TACC2: variants seen among roughly 807,000 people sequenced by gnomAD.
The protein encoded by TACC2 is transforming acidic coiled-coil-containing protein 2.
Under a neutral mutation model 227.3 loss-of-function variants are expected in TACC2, and 137 were observed. The ratio of observed to expected loss-of-function variants is 0.60; its 90% CI spans 0.52 to 0.69. The LOEUF (loss-of-function observed/expected upper bound fraction) is 0.69. Among genes scored for constraint, TACC2 ranks in the 30% least tolerant of loss-of-function variants. TACC2 has a pLI of 0.00. For missense variants in TACC2, 3,470 were observed against 3,694.4 expected, an observed-to-expected ratio of 0.94 and a Z score of 1.57; for synonymous variants, 1,523 against 1,487.5, an observed-to-expected ratio of 1.02 and a Z score of -0.55.
chr10:122,121,902 T>C (rs1239513879), intron 5 of TACC2, among the ~76,000 whole-genome samples: 1 of 152,118 alleles, frequency 6.6e-6, no homozygotes, highest in African/African-American at 2.4e-5. Context: ...GCCGCTGAAC[T>C]CTGGACAGGA....
At position 122,050,521 on chromosome 10, in the gene TACC2, C is replaced by T. The variant is rs577387065; in HGVS notation, c.117C>T (p.Pro39=). ...QNIKRKQQDT[P]GSPDHRDASS... is the part of the protein sequence containing the mutation. ...TAAAAAGGAAGCAGCAGGACACGCC[C>T]GGAAGCCCTGACCACAGAGACGCGT... Residue 39 remains proline (P), a synonymous_variant, in exon 3 of 23, where the codon CCC becomes CCT. Coordinates refer to ENST00000369005, the MANE Select transcript of TACC2 (RefSeq NM_206862.4). This position sits in a 1 kb window ranked among gnomAD's most constrained non-coding sequence, Gnocchi z 4.6. 3.5e-5 allele frequency: 57 copies of T among 1,614,052 alleles called. No individual in the cohort carries two copies. In the South Asian group the frequency reaches 4.2e-4, roughly 12 times the overall value.
At chr10:122,155,746 G>A (rs1049792991) in intron 7 of TACC2, among the ~76,000 whole-genome samples, 2 of 151,932 alleles carry the variant, frequency 1.3e-5, no homozygotes, top group Non-Finnish European at 2.9e-5. Context: ...GGACATCTGG[G>A]TTATCCGAAG....
rs766506682 is a variant in TACC2, at chr10:122,085,057, GA to G, written c.2561del (p.Asn854MetfsTer74). On this transcript the variant is annotated frameshift_variant, in exon 4 of 23. Transcript: ENST00000369005. LOFTEE classifies it high-confidence loss of function. ...GCTCAAGGAGCAGGCCCAGCCACCT[GA>G]AAATGGGAAAGAGACTTCTCCAAGC... is the stretch of plus-strand genomic sequence containing the variant. ...DVLKEQAQPP[E>X]NGKETSPSHP... is the part of the protein sequence containing the mutation. The G allele has an allele frequency of 5.0e-6, 8 of 1,614,212 alleles. No individual in the cohort carries two copies. Among genetic ancestry groups the G allele is most frequent in the Non-Finnish European group, 5.1e-6 (6 of 1,180,042 alleles).
At chr10:122,068,399 G>A (rs2077621866) in intron 3 of TACC2, among the ~76,000 whole-genome samples, 1 of 152,098 alleles carries the variant, frequency 6.6e-6, no homozygotes, top group Non-Finnish European at 1.5e-5. Context: ...AGCTTTTTGG[G>A]TTCTGGATAT....
chr10:121,995,875 TC>T (rs1432181453), intron 1 of TACC2, among the ~76,000 whole-genome samples: 1 of 152,104 alleles, frequency 6.6e-6, no homozygotes. Flanking sequence ...TGCCTCAGTC[TC>T]CTGAGTAGCT....
chr10:122,025,600 G>A (rs1322154707), intron 2 of TACC2, among the ~76,000 whole-genome samples: 3 of 139,508 alleles, frequency 2.2e-5, no homozygotes, highest in Non-Finnish European at 4.6e-5. Context: ...TTGAGATGGA[G>A]TCTTGCTCTG....
At chr10:122,107,249 T>C (rs1332722126) in intron 5 of TACC2, among the ~76,000 whole-genome samples, 1 of 152,176 alleles carries the variant, frequency 6.6e-6, no homozygotes, top group Non-Finnish European at 1.5e-5. Flanking sequence ...CAGAATTATC[T>C]ACAGGCTGGG....
In TACC2 at chr10:122,028,084, C is replaced by CTTTTTTTTTTT; in HGVS notation, c.33+6081_33+6091dup. Among the ~76,000 whole-genome samples the CTTTTTTTTTTT allele has an allele frequency of 2.1e-3, 189 of 91,724 alleles. 1 individual carries two copies. Among genetic ancestry groups the CTTTTTTTTTTT allele is most frequent in the African/African-American group, 3.7e-3 (78 of 20,838 alleles). The allele number at this position is 91,724 out of a possible 152,430, so 60.2% of individuals were successfully genotyped here. ...TTTTTTCTTTTTTCTTTCTTTCTTT[C>CTTTTTTTTTTT]TTTTTTTTTTTTTTTTTTTTTGAGA... On this transcript the variant is annotated intron_variant, in intron 2 of 22. Transcript: ENST00000369005.
At chr10:122,193,040 C>T (rs1416566359) in intron 7 of TACC2, among the ~76,000 whole-genome samples, 2 of 152,196 alleles carry the variant, frequency 1.3e-5, no homozygotes, top group Non-Finnish European at 2.9e-5. Flanking sequence ...TCCTTCTCCC[C>T]ATAGACAAAA....
chr10:122,211,748 G>T (rs554049919), intron 9 of TACC2, 40 bp downstream of exon 9: 4 of 1,498,914 alleles, frequency 2.7e-6, no homozygotes, highest in African/African-American at 2.8e-5. Context: ...CAGAGGCGGG[G>T]GTGCGCATTG....
chr10:122,192,555 A>C (rs886309745), intron 7 of TACC2: 1 of 393,784 alleles, frequency 2.5e-6, no homozygotes, highest in Non-Finnish European at 5.2e-6. Flanking sequence ...AGAAGCTCAC[A>C]GCATCTGTGG....
intron 3 of TACC2, among the ~76,000 whole-genome samples, chr10:122,081,290 C>T (rs181821249): frequency 8.7e-5 from 13 of 150,142 alleles, no homozygotes; most frequent in Middle Eastern, 3.4e-3. Flanking sequence ...GAGGCTGAGG[C>T]GGGCAGATCA....
chr10:122,104,339 CT>C (rs2137729955), intron 5 of TACC2, among the ~76,000 whole-genome samples: 1 of 152,204 alleles, frequency 6.6e-6, no homozygotes, highest in African/African-American at 2.4e-5. Flanking sequence ...TATCTACTTA[CT>C]TATTAAAAAT....
Position 122,087,577 on chromosome 10 carries a change from C to G in TACC2, c.5077C>G (p.Leu1693Val), listed in dbSNP as rs755222761. Residue 1693 changes from leucine to valine, a missense_variant, in exon 4 of 23, where the codon CTG becomes GTG. Physicochemically the swap from Leu to Val is conservative, Grantham distance 32. Coordinates refer to ENST00000369005, the MANE Select transcript of TACC2 (RefSeq NM_206862.4). Reference protein sequence around the residue: ...PPTGEVADTPLEPGKVAGAAG... With the variant: ...PPTGEVADTPVEPGKVAGAAG... ...AACTGGAGAAGTGGCAGACACTCCC[C>G]TGGAGCCTGGCAAGGTGGCAGGCGC... is the stretch of plus-strand genomic sequence containing the variant. The G allele has an allele frequency of 6.2e-7, 1 of 1,613,738 alleles. No individual in the cohort carries two copies. The highest frequency in any genetic ancestry group is 8.5e-7 in the Non-Finnish European group (1 of 1,180,028).
chr10:122,049,238 T>G (rs2075396346), intron 2 of TACC2, among the ~76,000 whole-genome samples: 1 of 152,242 alleles, frequency 6.6e-6, no homozygotes, highest in Admixed American at 6.5e-5. Flanking sequence ...AATGAGGCCT[T>G]GGCCCCAGCA....
At chr10:122,012,007 G>T (rs1955983620) in intron 1 of TACC2, among the ~76,000 whole-genome samples, 1 of 151,870 alleles carries the variant, frequency 6.6e-6, no homozygotes, top group Admixed American at 6.6e-5. Context: ...GCAAGATCTT[G>T]GCTCCCTGCA....
intron 5 of TACC2, among the ~76,000 whole-genome samples, chr10:122,093,103 T>A (rs1022998098): frequency 2.0e-5 from 3 of 152,198 alleles, no homozygotes; most frequent in African/African-American, 4.8e-5. Context: ...CTCTCTTTTT[T>A]TTTTTTTTCC....
chr10:122,214,236 G>C (rs1336253778), intron 9 of TACC2, among the ~76,000 whole-genome samples: 1 of 152,116 alleles, frequency 6.6e-6, no homozygotes, highest in African/African-American at 2.4e-5. Flanking sequence ...GAGCCACTTA[G>C]CAACTATAAA....
chr10:122,179,058 C>G (rs761157061), intron 7 of TACC2, among the ~76,000 whole-genome samples: 2 of 152,142 alleles, frequency 1.3e-5, no homozygotes, highest in Admixed American at 6.5e-5. Context: ...AGTAACAAAA[C>G]GCTGAAGCAT....
Sources: gnomAD v4.1 joint callset for allele counts (sites outside exome capture counted in the v4.1 genomes callset) on GRCh38, gnomAD v4.1.1 for gene constraint, Gnocchi (gnomAD v3.1) non-coding constraint, MANE v1.5 for transcripts, NCBI Gene and HGNC (gene_info 2026-07-23, HGNC 2026-07-21) for gene names.